LRP1B: variants seen among roughly 807,000 people sequenced by gnomAD.
LRP1B encodes the protein low-density lipoprotein receptor-related protein 1B.
In LRP1B, 217 loss-of-function variants were observed where a neutral mutation model predicts 556.6. The observed-to-expected ratio is 0.39, with a 90% confidence interval of 0.35 to 0.44. The LOEUF (loss-of-function observed/expected upper bound fraction) is 0.44, where lower values mean the gene tolerates loss of function less well. Ranked by LOEUF, LRP1B falls within the 20% of genes least tolerant of loss-of-function variation. LRP1B has a pLI of 1.00. For missense variants in LRP1B, 5,053 were observed against 5,620.8 expected (o/e 0.90, Z 3.23); for synonymous variants, 2,047 against 1,865.8 (o/e 1.10, Z -2.50).
chr2:141,758,789 CTA>C (rs917067909), intron 2 of LRP1B, among the ~76,000 whole-genome samples: 2 of 151,908 alleles, frequency 1.3e-5, no homozygotes, highest in African/African-American at 4.8e-5. Flanking sequence ...CCTTTTATTT[CTA>C]TGTGATCATT....
chr2:140,746,621 T>C (rs1431196676), intron 35 of LRP1B, among the ~76,000 whole-genome samples: 1 of 152,162 alleles, frequency 6.6e-6, no homozygotes, highest in Non-Finnish European at 1.5e-5. Flanking sequence ...AGTGTGATTA[T>C]TCTGAATTTG....
intron 1 of LRP1B, among the ~76,000 whole-genome samples, chr2:141,949,422 C>T (rs1313583255): frequency 2.0e-5 from 3 of 152,228 alleles, no homozygotes; most frequent in South Asian, 2.1e-4. Flanking sequence ...GACACGGTCT[C>T]GCTCTGTCTC....
At chr2:140,419,566 A>T (rs1277479246) in intron 66 of LRP1B, among the ~76,000 whole-genome samples, 3 of 152,238 alleles carry the variant, frequency 2.0e-5, no homozygotes, top group African/African-American at 7.2e-5. Flanking sequence ...AAGTACTTTG[A>T]TACATTTTAA....
intron 35 of LRP1B, among the ~76,000 whole-genome samples, chr2:140,733,655 T>A (rs185817103): frequency 1.6e-3 from 249 of 152,290 alleles, no homozygotes; most frequent in Non-Finnish European, 3.1e-3. Flanking sequence ...AACTGTAGAA[T>A]AGGTAAAACT....
chr2:141,853,771 A>G (rs1203176899), intron 1 of LRP1B, among the ~76,000 whole-genome samples: 1 of 152,028 alleles, frequency 6.6e-6, no homozygotes, highest in Non-Finnish European at 1.5e-5. Context: ...GAACACAATA[A>G]AAAGAGAACA....
chr2:141,801,900 T>C (rs1696019327), intron 2 of LRP1B, among the ~76,000 whole-genome samples: 2 of 152,130 alleles, frequency 1.3e-5, no homozygotes, highest in Admixed American at 1.3e-4. Flanking sequence ...TTAATAGATA[T>C]ATAGTAAGAT....
Position 142,130,968 on chromosome 2 carries a change from C to G in LRP1B, c.-239G>C. On this transcript the variant is annotated 5_prime_UTR_variant, in exon 1 of 91. Transcript: ENST00000389484. ...AGAGAGGAGGCAGAGCGTGTGTGAGCGCGAGCGAGACGCCCGTGTGTCTTG... is the reference window on the plus strand; with the variant it reads ...AGAGAGGAGGCAGAGCGTGTGTGAGGGCGAGCGAGACGCCCGTGTGTCTTG... The G allele has an allele frequency of 1.7e-6, 1 of 572,090 alleles. No homozygotes were observed. Among genetic ancestry groups the G allele is most frequent in the Non-Finnish European group, 3.1e-6 (1 of 318,038 alleles). 35.4% of individuals were successfully genotyped at this position (572,090 alleles called of 1,614,324 possible). A position where few individuals can be genotyped will look rare whatever the true frequency, so the allele number is the denominator to read the frequency against.
intron 22 of LRP1B, among the ~76,000 whole-genome samples, chr2:140,904,446 A>ATATT (rs59112366): frequency 0.95 from 144,444 of 151,918 alleles, 69,089 homozygotes; most frequent in East Asian, 1. Flanking sequence ...AATTGAAGCA[A>ATATT]TATTTATATA....
Position 141,249,068 on chromosome 2 carries a change from T to A in LRP1B, c.464-1714A>T, listed in dbSNP as rs551168396. Among the ~76,000 whole-genome samples, 25 of 152,288 alleles carry A rather than the reference T, an allele frequency of 1.6e-4. No homozygotes were observed. In the South Asian group the frequency reaches 5.2e-3, roughly 32 times the overall value. On this transcript the variant is annotated intron_variant, in intron 4 of 90. Transcript: ENST00000389484. ...AGATAACGAATTTGATTTCACTGTG[T>A]TAAATTTGAGGTGTCTGTAGGGCAG...
intron 55 of LRP1B, among the ~76,000 whole-genome samples, chr2:140,496,359 C>T (rs1467507130): frequency 6.6e-6 from 1 of 152,026 alleles, no homozygotes; most frequent in Non-Finnish European, 1.5e-5. Context: ...AGTAGGAGAT[C>T]TTGTACACAC....
At chr2:141,043,422 C>G (rs887443380) in intron 11 of LRP1B, among the ~76,000 whole-genome samples, 2 of 151,804 alleles carry the variant, frequency 1.3e-5, no homozygotes, top group African/African-American at 4.8e-5. Flanking sequence ...TCACCCTTTT[C>G]AACCCACATT....
chr2:140,318,976 T>A (rs1276714199), intron 82 of LRP1B, among the ~76,000 whole-genome samples: 1 of 152,152 alleles, frequency 6.6e-6, no homozygotes, highest in African/African-American at 2.4e-5. Flanking sequence ...AATTTGATGT[T>A]ATATAGAATA....
intron 3 of LRP1B, among the ~76,000 whole-genome samples, chr2:141,415,479 G>A (rs1470202529): frequency 6.6e-6 from 1 of 152,164 alleles, no homozygotes; most frequent in African/African-American, 2.4e-5. Flanking sequence ...TGCCCAGACT[G>A]CCCCAAATAA....
At chr2:140,588,747 C>T (rs1007877608) in intron 43 of LRP1B, among the ~76,000 whole-genome samples, 8 of 151,978 alleles carry the variant, frequency 5.3e-5, no homozygotes, top group South Asian at 2.1e-4. Context: ...GGGTGGATCA[C>T]GAGGTCAGGA....
intron 3 of LRP1B, among the ~76,000 whole-genome samples, chr2:141,319,488 G>T (rs1052108006): frequency 6.6e-6 from 1 of 151,740 alleles, no homozygotes; most frequent in African/African-American, 2.4e-5. Flanking sequence ...TGAGGTGAGG[G>T]TTGTATATTA....
At chr2:141,008,754 A>C (rs937025077) in intron 14 of LRP1B, among the ~76,000 whole-genome samples, 1 of 151,928 alleles carries the variant, frequency 6.6e-6, no homozygotes, top group Non-Finnish European at 1.5e-5. Context: ...GTGTTTGATA[A>C]ATATTAGTTA....
At chr2:141,790,325 GA>G (rs70994452) in intron 2 of LRP1B, among the ~76,000 whole-genome samples, 45,219 of 147,488 alleles carry the variant, frequency 0.31, 7,273 homozygotes, top group Middle Eastern at 0.51. Flanking sequence ...AAGCATTTTA[GA>G]AAAAAAAAAC....
intron 5 of LRP1B, among the ~76,000 whole-genome samples, chr2:141,242,273 G>T (rs1453061875): frequency 6.6e-6 from 1 of 152,016 alleles, no homozygotes; most frequent in Non-Finnish European, 1.5e-5. Flanking sequence ...CAAACCATGG[G>T]TAAATTCTCC....
intron 1 of LRP1B, among the ~76,000 whole-genome samples, chr2:141,918,776 C>A (rs1350696216): frequency 6.6e-6 from 1 of 152,098 alleles, no homozygotes; most frequent in Non-Finnish European, 1.5e-5. Context: ...TATTACCTAA[C>A]CTCTTCTCTT....
Sources: allele counts gnomAD v4.1 joint callset (sites outside exome capture counted in the v4.1 genomes callset), GRCh38; gene constraint gnomAD v4.1.1; transcripts MANE v1.5; gene names NCBI Gene and HGNC (gene_info 2026-07-23, HGNC 2026-07-21).